The following SPRED2 variants were observed in gnomAD, a reference collection of about 807,000 sequenced individuals.
SPRED2 encodes the protein sprouty-related, EVH1 domain-containing protein 2.
SPRED2 carries 47 observed loss-of-function variants against 43.0 expected under a neutral mutation model. That is an observed-to-expected ratio of 1.09 (90% confidence interval 0.87 to 1.40). The LOEUF (loss-of-function observed/expected upper bound fraction) is 1.40. SPRED2 is among the 40% of genes most tolerant of loss of function. The probability of loss-of-function intolerance (pLI) is 0.00; values close to 1 mark genes in which losing one functional copy is unlikely to be tolerated. For synonymous variants in SPRED2, 225 were observed against 225.7 expected, an observed-to-expected ratio of 1.00 and a Z score of 0.03; for missense variants, 561 against 586.4, an observed-to-expected ratio of 0.96 and a Z score of 0.45.
At chr2:65,393,495 C>T (rs749753367) in intron 1 of SPRED2, among the ~76,000 whole-genome samples, 21 of 151,884 alleles carry the variant, frequency 1.4e-4, no homozygotes, top group Admixed American at 5.2e-4. Flanking sequence ...CACTACCGCC[C>T]GGCTAATTTT....
chr2:65,382,099 A>G (rs1222059772), intron 1 of SPRED2, among the ~76,000 whole-genome samples: 1 of 152,144 alleles, frequency 6.6e-6, no homozygotes, highest in Admixed American at 6.5e-5. Flanking sequence ...GGTTTCTGAG[A>G]TGGTCCTGCA....
intron 2 of SPRED2, among the ~76,000 whole-genome samples, chr2:65,341,062 G>C (rs1453580535): frequency 6.9e-6 from 1 of 145,204 alleles, no homozygotes. Context: ...TGGTGGGGGG[G>C]AGGGCAGTGA....
chr2:65,407,408 G>A (rs928711887), intron 1 of SPRED2, among the ~76,000 whole-genome samples: 1 of 151,396 alleles, frequency 6.6e-6, no homozygotes, highest in African/African-American at 2.4e-5. Context: ...CATTTTGGGG[G>A]GCATTTTGAT....
At chr2:65,410,433 G>A (rs368160103) in intron 1 of SPRED2, among the ~76,000 whole-genome samples, 2 of 152,030 alleles carry the variant, frequency 1.3e-5, no homozygotes, top group East Asian at 1.9e-4. Context: ...ATTTATACTC[G>A]TCATCCCAGT....
intron 2 of SPRED2, among the ~76,000 whole-genome samples, chr2:65,340,407 C>G (rs946776523): frequency 3.3e-5 from 5 of 152,192 alleles, no homozygotes; most frequent in Admixed American, 3.3e-4. Context: ...TTTCAAAGAG[C>G]TTTGCCAGCT....
intron 2 of SPRED2, 82 bp from the exon 3 acceptor site, chr2:65,334,855 T>C: frequency 1.4e-6 from 2 of 1,465,334 alleles, no homozygotes; most frequent in Non-Finnish European, 9.5e-7. Context: ...TTAGGAACCA[T>C]CACTGGTGGC....
intron 4 of SPRED2, among the ~76,000 whole-genome samples, chr2:65,321,515 AAAAAAAAAAAAAAAAG>A (rs1673412737): frequency 6.6e-6 from 1 of 150,456 alleles, no homozygotes; most frequent in Non-Finnish European, 1.5e-5. Context: ...AAAAAAAAAA[AAAAAAAAAAAAAAAAG>A]ATGTCCAATT....
intron 4 of SPRED2, among the ~76,000 whole-genome samples, chr2:65,327,911 A>G (rs973882201): frequency 1.3e-5 from 2 of 151,052 alleles, no homozygotes; most frequent in Admixed American, 1.3e-4. Flanking sequence ...TTTAGTAGAG[A>G]TGGGGTTTCA....
intron 1 of SPRED2, chr2:65,377,950 C>T: frequency 3.5e-6 from 1 of 288,128 alleles, no homozygotes; most frequent in Non-Finnish European, 7.0e-6. Context: ...AACATGCCTT[C>T]AGGCAGAAGC....
chr2:65,370,747 A>G (rs1210329511), intron 1 of SPRED2, among the ~76,000 whole-genome samples: 1 of 152,142 alleles, frequency 6.6e-6, no homozygotes. Flanking sequence ...GGGGAAATCT[A>G]CAGTGCCTGA....
chr2:65,389,948 C>T (rs902473464), intron 1 of SPRED2, among the ~76,000 whole-genome samples: 1 of 152,230 alleles, frequency 6.6e-6, no homozygotes, highest in African/African-American at 2.4e-5. Context: ...AAACCCACTA[C>T]TCAGAGATAA....
intron 4 of SPRED2, among the ~76,000 whole-genome samples, chr2:65,323,940 C>T (rs1432033037): frequency 6.6e-6 from 1 of 151,738 alleles, no homozygotes; most frequent in African/African-American, 2.4e-5. Context: ...GGGATGTGGG[C>T]TCAGACACAG....
intron 1 of SPRED2, among the ~76,000 whole-genome samples, chr2:65,400,785 C>A (rs1055652897): frequency 6.6e-6 from 1 of 152,142 alleles, no homozygotes; most frequent in African/African-American, 2.4e-5. Flanking sequence ...CAGGATTCTG[C>A]AGCAAAAACT....
At chr2:65,415,532 A>G (rs1676253525) in intron 1 of SPRED2, among the ~76,000 whole-genome samples, 1 of 152,232 alleles carries the variant, frequency 6.6e-6, no homozygotes, top group Non-Finnish European at 1.5e-5. Flanking sequence ...AAAAAGGGGC[A>G]ACATTTTAAA....
At chr2:65,407,689 C>A (rs557163780) in intron 1 of SPRED2, among the ~76,000 whole-genome samples, 11 of 152,232 alleles carry the variant, frequency 7.2e-5, no homozygotes, top group Non-Finnish European at 1.0e-4. Context: ...ATCACTTGTC[C>A]TTTCACCCGT....
chr2:65,402,622 G>A (rs1675932373), intron 1 of SPRED2, among the ~76,000 whole-genome samples: 1 of 152,174 alleles, frequency 6.6e-6, no homozygotes, highest in South Asian at 2.1e-4. Context: ...TGAGCCCCTG[G>A]GGTGCTCTAG....
downstream of SPRED2, chr2:65,308,541 T>C (rs1672987483): frequency 1.0e-6 from 1 of 985,448 alleles, no homozygotes; most frequent in African/African-American, 1.7e-5. Context: ...TGAAAGAGGT[T>C]GTTCTCTCGA....
In SPRED2 at chr2:65,372,073, AAAAG is replaced by A. The variant is rs535332050; in HGVS notation, c.27-27181_27-27178del. ...GGAAGACAGAGCGAGACTGTCTCAA[AAAAG>A]AAAGAAAGAAAAAAAAAAGGCTCTA... On this transcript the variant is annotated intron_variant, in intron 1 of 5. Transcript: ENST00000356388. Among the ~76,000 whole-genome samples the A allele has an allele frequency of 6.4e-3, 977 of 152,226 alleles. 5 individuals are homozygous for A. The highest frequency in any genetic ancestry group is 0.011 in the Non-Finnish European group (718 of 68,014).
intron 4 of SPRED2, among the ~76,000 whole-genome samples, chr2:65,322,266 C>A (rs373014569): frequency 0.024 from 1,054 of 44,160 alleles, 11 homozygotes; most frequent in African/African-American, 0.047. Flanking sequence ...CTCTCTCTCT[C>A]TCTCTATATA....
Sources: gnomAD v4.1 joint callset for allele counts (sites outside exome capture counted in the v4.1 genomes callset) on GRCh38, gnomAD v4.1.1 for gene constraint, MANE v1.5 for transcripts, NCBI Gene and HGNC (gene_info 2026-07-23, HGNC 2026-07-21) for gene names.